Variants in SIPA1L3 observed in about 807,000 individuals in gnomAD.
SIPA1L3 encodes the protein signal induced proliferation associated 1 like 3.
In SIPA1L3, 59 loss-of-function variants were observed where a neutral mutation model predicts 150.1. The ratio of observed to expected loss-of-function variants is 0.39; its 90% CI spans 0.32 to 0.49. The LOEUF is 0.49. Ranked by LOEUF, SIPA1L3 falls within the 20% of genes least tolerant of loss-of-function variation. The pLI is 0.86. For synonymous variants in SIPA1L3, 1,070 were observed against 1,077.6 expected (o/e 0.99, Z 0.14); for missense variants, 2,211 against 2,489.5 (o/e 0.89, Z 2.38).
chr19:38,033,877 C>T (rs1325071229), intron 2 of SIPA1L3, among the ~76,000 whole-genome samples: 6 of 152,126 alleles, frequency 3.9e-5, no homozygotes, highest in African/African-American at 1.4e-4. Context: ...CATGGGTGTG[C>T]GCCTTGAGCC....
intron 9 of SIPA1L3, among the ~76,000 whole-genome samples, chr19:38,124,218 G>T (rs1335945250): frequency 6.7e-6 from 1 of 149,688 alleles, no homozygotes; most frequent in Non-Finnish European, 1.5e-5. Context: ...GGCAGCTGCC[G>T]GGCGGAGGGG....
intron 3 of SIPA1L3, among the ~76,000 whole-genome samples, chr19:38,084,673 C>T (rs1220678475): frequency 1.6e-5 from 2 of 125,504 alleles, no homozygotes; most frequent in East Asian, 4.6e-4. Context: ...CTCGCTCTGT[C>T]GCCTCGCCCA....
chr19:37,911,112 G>A (rs1418323996), intron 1 of SIPA1L3, among the ~76,000 whole-genome samples: 1 of 152,180 alleles, frequency 6.6e-6, no homozygotes, highest in Non-Finnish European at 1.5e-5. Flanking sequence ...CAGACAGTGA[G>A]TATCTATTAA....
chr19:37,940,801 C>A (rs896554146), intron 1 of SIPA1L3, among the ~76,000 whole-genome samples: 1 of 147,892 alleles, frequency 6.8e-6, no homozygotes, highest in Non-Finnish European at 1.5e-5. Context: ...AGGCTGGTCT[C>A]AAACCCCTGA....
intron 1 of SIPA1L3, among the ~76,000 whole-genome samples, chr19:37,944,885 G>A (rs1021736071): frequency 6.6e-6 from 1 of 152,084 alleles, no homozygotes; most frequent in African/African-American, 2.4e-5. Context: ...TGGAGGCGGA[G>A]GTTGGAGTAA....
chr19:38,074,471 C>CTGCACTCTGA (rs1969795554), intron 2 of SIPA1L3, among the ~76,000 whole-genome samples: 1 of 152,238 alleles, frequency 6.6e-6, no homozygotes, highest in African/African-American at 2.4e-5. Flanking sequence ...ACTCTGAAGG[C>CTGCACTCTGA]AGAGCCACAA....
Position 38,193,607 on chromosome 19 carries a change from G to A in SIPA1L3, c.4667G>A (p.Ser1556Asn), listed in dbSNP as rs373154281. 6.4e-6 allele frequency: 10 copies of A among 1,564,878 alleles called. No individual in the cohort carries two copies. Among genetic ancestry groups the A allele is most frequent in the Non-Finnish European group, 7.7e-6 (9 of 1,165,614 alleles). Residue 1556 changes from serine to asparagine, a missense_variant, in exon 18 of 22, where the codon AGC (serine) becomes AAC (asparagine). Physicochemically the swap from Ser to Asn is conservative, Grantham distance 46. Around this residue, in one of 5 missense-constraint regions of SIPA1L3, gnomAD observed 806 missense variants for 870.1 expected, o/e 0.93. Transcript: ENST00000222345. ...CTGTGCAGCGGGCGCCGGGAGCCCA[G>A]CTTCGCCAGCCCCGCTGGCCTAGAG... The part of the protein sequence containing the change: ...ESLCSGRREP[S>N]FASPAGLEPG...
At chr19:38,155,043 G>C (rs1971913349) in intron 13 of SIPA1L3, among the ~76,000 whole-genome samples, 2 of 152,084 alleles carry the variant, frequency 1.3e-5, no homozygotes, top group Admixed American at 1.3e-4. Context: ...TTACAGGTGT[G>C]AGCCACCACA....
At chr19:38,003,014 C>T (rs1427574835) in intron 1 of SIPA1L3, among the ~76,000 whole-genome samples, 1 of 151,972 alleles carries the variant, frequency 6.6e-6, no homozygotes, top group Non-Finnish European at 1.5e-5. Context: ...GGCGTGGTGG[C>T]ATGCTGCTGT....
At chr19:37,979,006 C>T (rs548428680) in intron 1 of SIPA1L3, among the ~76,000 whole-genome samples, 16 of 152,068 alleles carry the variant, frequency 1.1e-4, no homozygotes, top group Non-Finnish European at 1.9e-4. Context: ...AGTTTCCCTT[C>T]CACACCCAAA....
At chr19:38,122,956 T>C (rs972780248) in intron 9 of SIPA1L3, among the ~76,000 whole-genome samples, 6 of 152,228 alleles carry the variant, frequency 3.9e-5, no homozygotes, top group African/African-American at 1.4e-4. Context: ...CCATCTGCCA[T>C]GCACTGTGTG....
Position 38,082,444 on chromosome 19 carries a change from C to G in SIPA1L3, c.879C>G (p.Gly293=). The G allele has an allele frequency of 6.3e-7, 1 of 1,589,388 alleles. No homozygotes were observed. The highest frequency in any genetic ancestry group is 2.2e-5 in the East Asian group (1 of 44,462). The change falls in exon 3 of 22, where the codon GGC becomes GGG. Residue 293 remains glycine (G), a synonymous_variant. Coordinates refer to ENST00000222345, the MANE Select transcript of SIPA1L3 (RefSeq NM_015073.3). ...ARKKPARGLG[G]GDTVDSSIFR... The stretch of plus-strand genomic sequence containing the variant: ...AGAAACCTGCGCGGGGCCTCGGCGG[C>G]GGGGACACGGTGGACTCGTCCATCT...
chr19:37,962,049 T>C (rs2046862996), intron 1 of SIPA1L3, among the ~76,000 whole-genome samples: 1 of 152,212 alleles, frequency 6.6e-6, no homozygotes, highest in African/African-American at 2.4e-5. Context: ...GAAATGTAAC[T>C]TGTAAGCCGT....
At chr19:38,089,947 T>G (rs1349224864) in intron 4 of SIPA1L3, among the ~76,000 whole-genome samples, 4 of 152,126 alleles carry the variant, frequency 2.6e-5, no homozygotes, top group African/African-American at 4.8e-5. Context: ...GCGAGTGTCA[T>G]TTTCTTCTGC....
Position 38,199,333 on chromosome 19 carries a change from G to A in SIPA1L3, c.4984+801G>A, listed in dbSNP as rs182100442. Reference sequence around the variant, plus strand: ...CCCTGGAGACCCAGATGCCATCAGCGGTTGTAGTGTTGTTTGCGGAAGACA... The same window carrying A: ...CCCTGGAGACCCAGATGCCATCAGCAGTTGTAGTGTTGTTTGCGGAAGACA... On this transcript the variant is annotated intron_variant, in intron 19 of 21. Transcript: ENST00000222345. Among the ~76,000 whole-genome samples the A allele has an allele frequency of 5.5e-3, 834 of 152,312 alleles. 11 individuals carry two copies. Among genetic ancestry groups the A allele is most frequent in the African/African-American group, 0.019 (790 of 41,576 alleles).
At position 37,985,821 on chromosome 19, in the gene SIPA1L3, C is replaced by T. The variant is rs186979178; in HGVS notation, c.-378-43268C>T. 3.6e-3 allele frequency among the ~76,000 whole-genome samples: 541 copies of T among 152,294 alleles called. 2 individuals are homozygous for T. Among genetic ancestry groups the T allele is most frequent in the Admixed American group, 8.0e-3 (122 of 15,306 alleles). ...GAGGCCGGGCCCCTCCCTGGCTCCTCCCAGCCTTCCCAGGGCCCTTACCCA... is the reference window on the plus strand; with the variant it reads ...GAGGCCGGGCCCCTCCCTGGCTCCTTCCAGCCTTCCCAGGGCCCTTACCCA... On this transcript the variant is annotated intron_variant, in intron 1 of 21. Transcript: ENST00000222345.
chr19:38,091,278 C>T (rs537406132), intron 4 of SIPA1L3, among the ~76,000 whole-genome samples: 3 of 152,050 alleles, frequency 2.0e-5, no homozygotes, highest in East Asian at 3.9e-4. Context: ...CTTAGCTGCT[C>T]GGGAGGCTGA....
In SIPA1L3 at chr19:38,082,547, C is replaced by G. The variant is rs572885640; in HGVS notation, c.982C>G (p.Pro328Ala). The change falls in exon 3 of 22, where the codon CCG becomes GCG. Residue 328 changes from proline to alanine, a missense_variant. Transcript: ENST00000222345. ...PGEADEGRSP[P>A]EASRPWVCQK... ...GGAGGCCGACGAGGGCCGGAGCCCCCCGGAAGCCAGCAGGCCGTGGGTGTG... is the reference window on the plus strand; with the variant it reads ...GGAGGCCGACGAGGGCCGGAGCCCCGCGGAAGCCAGCAGGCCGTGGGTGTG... The G allele has an allele frequency of 8.1e-6, 13 of 1,601,990 alleles. No homozygotes were observed. The African/African-American group carries it at 1.7e-4, about 21-fold the overall frequency.
Position 38,082,386 on chromosome 19 carries a change from T to G in SIPA1L3, c.821T>G (p.Leu274Arg). Reference protein sequence around the residue: ...GQPAKDSLLPLQPTKEKEKAR... With the variant: ...GQPAKDSLLPRQPTKEKEKAR... The stretch of plus-strand genomic sequence containing the variant: ...CCCGCCAAGGACAGCCTCCTGCCAC[T>G]GCAGCCCACGAAGGAGAAGGAGAAG... Residue 274 changes from leucine (L) to arginine (R), a missense_variant, in exon 3 of 22, where the codon CTG (leucine) becomes CGG (arginine). Physicochemically the swap from Leu to Arg is moderately radical, Grantham distance 102. Transcript: ENST00000222345. 2 of 1,599,048 alleles carry G rather than the reference T, an allele frequency of 1.3e-6. No homozygotes were observed. The highest frequency in any genetic ancestry group is 1.7e-6 in the Non-Finnish European group (2 of 1,178,244).
Sources: gnomAD v4.1 joint callset for allele counts (sites outside exome capture counted in the v4.1 genomes callset) on GRCh38, gnomAD v4.1.1 for gene constraint, gnomAD v4.1.1 regional missense constraint, MANE v1.5 for transcripts, NCBI Gene and HGNC (gene_info 2026-07-23, HGNC 2026-07-21) for gene names.